Variants in INPP1 observed in about 807,000 individuals in gnomAD.
The protein encoded by INPP1 is inositol polyphosphate 1-phosphatase.
A neutral mutation model predicts 23.0 loss-of-function variants in INPP1; 18 were observed. That is an observed-to-expected ratio of 0.78 (90% CI 0.54 to 1.16). INPP1 has a LOEUF of 1.16. Among genes scored for constraint, INPP1 ranks in the 50% most tolerant of loss-of-function variants. The pLI is 0.00. For synonymous variants in INPP1, 164 were observed against 176.3 expected, an observed-to-expected ratio of 0.93 and a Z score of 0.55; for missense variants, 448 against 482.1, an observed-to-expected ratio of 0.93 and a Z score of 0.66.
rs1689726201 is a variant in INPP1 at position 190,368,347 on chromosome 2, A to G, written c.467-756A>G. Among the ~76,000 whole-genome samples the G allele has an allele frequency of 6.6e-6, 1 of 151,952 alleles. No individual in the cohort carries two copies. Among genetic ancestry groups the G allele is most frequent in the South Asian group, 2.1e-4 (1 of 4,814 alleles). On this transcript the variant is annotated intron_variant, in intron 5 of 6. Coordinates refer to ENST00000392329, the MANE Select transcript of INPP1 (RefSeq NM_001128928.2). The surrounding 1 kb of genome is among the most constrained non-coding windows in gnomAD (Gnocchi z 4.3). The stretch of plus-strand genomic sequence containing the variant: ...GCCTCTGTTTCATAGGAGCTCCGTT[A>G]ATTTCTTTTTTTGGTGCCACCATCA...
intron 1 of INPP1, among the ~76,000 whole-genome samples, chr2:190,347,915 A>T (rs1417738376): frequency 1.3e-5 from 2 of 152,252 alleles, no homozygotes; most frequent in Non-Finnish European, 2.9e-5. Flanking sequence ...AGGCGGGTGG[A>T]TTACCTGAGG....
intron 2 of INPP1, among the ~76,000 whole-genome samples, chr2:190,353,267 A>G (rs971621613): frequency 6.6e-6 from 1 of 152,200 alleles, no homozygotes; most frequent in Non-Finnish European, 1.5e-5. Context: ...CAAGCCAGTC[A>G]TAGACTGTCT....
rs773675666 is a variant in INPP1, at chr2:190,366,678, G to A, written c.266-17G>A. ...AACTCTTGAAATGTAATGGCTTATCGTGTGGCTTTACCCTAGGGGAAAAGA... is the reference window on the plus strand; with the variant it reads ...AACTCTTGAAATGTAATGGCTTATCATGTGGCTTTACCCTAGGGGAAAAGA... On this transcript the variant is annotated splice_polypyrimidine_tract_variant and intron_variant, in intron 4 of 6. Transcript: ENST00000392329. 2.9e-5 allele frequency: 45 copies of A among 1,570,376 alleles called. No individual in the cohort carries two copies. Among genetic ancestry groups the A allele is most frequent in the African/African-American group, 5.4e-5 (4 of 73,708 alleles).
At chr2:190,362,172 G>T (rs773966325) in intron 3 of INPP1, among the ~76,000 whole-genome samples, 22 of 152,090 alleles carry the variant, frequency 1.4e-4, no homozygotes, top group African/African-American at 4.6e-4. Flanking sequence ...AAACAAAATC[G>T]AATGTTATCT....
chr2:190,358,686 A>G (rs1374315108), intron 2 of INPP1, among the ~76,000 whole-genome samples: 1 of 152,250 alleles, frequency 6.6e-6, no homozygotes, highest in Non-Finnish European at 1.5e-5. Flanking sequence ...TGATAATACA[A>G]TAATTCTCAT....
rs1251934771 is a variant in INPP1, at chr2:190,360,418, A to G, written c.204+112A>G. ...CCCCTATCAGTATACTAGCACCTTG[A>G]TTTCAAGTAAACATCTTGGATTTTC... On this transcript the variant is annotated intron_variant, in intron 3 of 6. Coordinates refer to ENST00000392329, the MANE Select transcript of INPP1 (RefSeq NM_001128928.2). 6.5e-6 allele frequency: 5 copies of G among 770,784 alleles called. No homozygotes were observed. In the African/African-American group the frequency reaches 7.1e-5, roughly 11 times the overall value. The allele number at this position is 770,784 out of a possible 1,614,324, so 47.7% of individuals were successfully genotyped here.
chr2:190,371,189 G>C lies in INPP1; in HGVS notation c.987G>C (p.Gly329=). The C allele has an allele frequency of 6.2e-7, 1 of 1,614,028 alleles. No individual in the cohort carries two copies. Among genetic ancestry groups the C allele is most frequent in the South Asian group, 1.1e-5 (1 of 91,072 alleles). ...ATGCCATACTGAGGGCCATGGGTGG[G>C]GGAATAGTAGACTTGAAAGAATGCT... ...AAHAILRAMG[G]GIVDLKECLE... is the part of the protein sequence containing the mutation. Residue 329 remains glycine, a synonymous_variant, in exon 7 of 7, where the codon GGG becomes GGC. Transcript: ENST00000392329. This position sits in a 1 kb window ranked among gnomAD's most constrained non-coding sequence, Gnocchi z 5.3.
intron 4 of INPP1, chr2:190,365,095 T>C (rs1361033483): frequency 5.9e-6 from 1 of 169,218 alleles, no homozygotes; most frequent in Admixed American, 6.5e-5. Context: ...TGCTATTAAC[T>C]TGCCTATTTT....
At position 190,366,909 on chromosome 2, in the gene INPP1, A is replaced by T. The variant is rs1282894802; in HGVS notation, c.466+14A>T. 1 of 1,550,682 alleles carries T rather than the reference A, an allele frequency of 6.4e-7. No homozygotes were observed. The highest frequency in any genetic ancestry group is 8.9e-7 in the Non-Finnish European group (1 of 1,123,008). ...TGGACCCCATAGGTAAGTATAGGAA[A>T]GTATGTTTGTTCTTATTTGCAATCT... On this transcript the variant is annotated intron_variant, in intron 5 of 6. Coordinates refer to ENST00000392329, the MANE Select transcript of INPP1 (RefSeq NM_001128928.2).
At chr2:190,347,698 T>C (rs1689246246) in intron 1 of INPP1, among the ~76,000 whole-genome samples, 1 of 152,230 alleles carries the variant, frequency 6.6e-6, no homozygotes, top group African/African-American at 2.4e-5. Flanking sequence ...GTGACAGTGG[T>C]AGGCTTTGCT....
At chr2:190,369,047 CAG>C (rs1272001762) in intron 5 of INPP1, 54 bp from the exon 6 acceptor site, 3 of 1,084,330 alleles carry the variant, frequency 2.8e-6, no homozygotes, top group Non-Finnish European at 3.9e-6. Context: ...TCATATGGAA[CAG>C]AGTCTTCTAA....
Position 190,345,630 on chromosome 2 carries a change from T to C in INPP1, c.-209+1669T>C, listed in dbSNP as rs1388961434. ...CCGATGTGAGTCCTTATGAATGTTC[T>C]TGTTAAAATACTTTGAATCTTGTAA... On this transcript the variant is annotated intron_variant, in intron 1 of 6. Transcript: ENST00000392329. This position sits in a 1 kb window ranked among gnomAD's most constrained non-coding sequence, Gnocchi z 4.9. The C allele has an allele frequency of 2.6e-5, 4 of 152,240 alleles. No homozygotes were observed. Among genetic ancestry groups the C allele is most frequent in the African/African-American group, 9.6e-5 (4 of 41,464 alleles). The allele number at this position is 152,240 out of a possible 1,614,324, so 9.4% of individuals were successfully genotyped here.
chr2:190,350,502 T>C (rs989917112), intron 2 of INPP1, among the ~76,000 whole-genome samples: 18 of 152,238 alleles, frequency 1.2e-4, no homozygotes, highest in Admixed American at 2.0e-4. Flanking sequence ...AACACAGCTT[T>C]AGCACAGGCT....
In INPP1 at chr2:190,370,889, C is replaced by T. The variant is rs761066981; in HGVS notation, c.687C>T (p.Asn229=). ...CYWGLSYMGT[N]MHSLQLTISR... ...GGGGCCTTTCTTACATGGGGACCAA[C>T]ATGCATTCACTACAGCTCACCATCT... The change falls in exon 7 of 7, where the codon AAC becomes AAT. Residue 229 remains asparagine (N), a synonymous_variant. Coordinates refer to ENST00000392329, the MANE Select transcript of INPP1 (RefSeq NM_001128928.2). The T allele has an allele frequency of 3.1e-6, 5 of 1,613,866 alleles. No individual in the cohort carries two copies. Among genetic ancestry groups the T allele is most frequent in the Middle Eastern group, 1.6e-4 (1 of 6,082 alleles).
intron 2 of INPP1, among the ~76,000 whole-genome samples, chr2:190,350,006 G>A (rs973984927): frequency 6.6e-6 from 1 of 152,094 alleles, no homozygotes; most frequent in South Asian, 2.1e-4. Context: ...CACCACGCCT[G>A]GCTAATTTTT....
At chr2:190,344,859 G>A (rs1052827704) in intron 1 of INPP1, among the ~76,000 whole-genome samples, 1 of 152,214 alleles carries the variant, frequency 6.6e-6, no homozygotes, top group Non-Finnish European at 1.5e-5. Flanking sequence ...CACTTAAGTG[G>A]ATCCCATCTG....
rs1426628751 is a variant in INPP1 at position 190,366,905 on chromosome 2, G to A, written c.466+10G>A. ...TGGGTGGACCCCATAGGTAAGTATA[G>A]GAAAGTATGTTTGTTCTTATTTGCA... On this transcript the variant is annotated intron_variant, in intron 5 of 6. Coordinates refer to ENST00000392329, the MANE Select transcript of INPP1 (RefSeq NM_001128928.2). 1 of 1,566,320 alleles carries A rather than the reference G, an allele frequency of 6.4e-7. No homozygotes were observed. The highest frequency in any genetic ancestry group is 1.1e-5 in the South Asian group (1 of 89,946).
rs1328564333 is a variant in INPP1 at position 190,367,614 on chromosome 2, C to G, written c.466+719C>G. Among the ~76,000 whole-genome samples, 1 of 152,134 alleles carries G rather than the reference C, an allele frequency of 6.6e-6. No homozygotes were observed. The highest frequency in any genetic ancestry group is 2.4e-5 in the African/African-American group (1 of 41,418). On this transcript the variant is annotated intron_variant, in intron 5 of 6. Coordinates refer to ENST00000392329, the MANE Select transcript of INPP1 (RefSeq NM_001128928.2). This position sits in a 1 kb window ranked among gnomAD's most constrained non-coding sequence, Gnocchi z 4.1. ...ACAGGCTGGAGTGCAGTGGCACAGTCAGAACTCACTCACTGCAGCCTTGTC... is the reference window on the plus strand; with the variant it reads ...ACAGGCTGGAGTGCAGTGGCACAGTGAGAACTCACTCACTGCAGCCTTGTC...
rs1689403948 is a variant in INPP1 at position 190,355,461 on chromosome 2, C to G, written c.-64-4578C>G. Among the ~76,000 whole-genome samples the G allele has an allele frequency of 1.3e-5, 2 of 152,064 alleles. No homozygotes were observed. The highest frequency in any genetic ancestry group is 4.8e-5 in the African/African-American group (2 of 41,346). The stretch of plus-strand genomic sequence containing the variant: ...AAATAAGCAACCTGGAGAACTGGAG[C>G]TATTAAATCTGTGTTTAGAGTTATA... On this transcript the variant is annotated intron_variant, in intron 2 of 6. Coordinates refer to ENST00000392329, the MANE Select transcript of INPP1 (RefSeq NM_001128928.2). This position sits in a 1 kb window ranked among gnomAD's most constrained non-coding sequence, Gnocchi z 5.1.
Sources: gnomAD v4.1 joint callset for allele counts (sites outside exome capture counted in the v4.1 genomes callset) on GRCh38, gnomAD v4.1.1 for gene constraint, Gnocchi (gnomAD v3.1) non-coding constraint, MANE v1.5 for transcripts, NCBI Gene and HGNC (gene_info 2026-07-23, HGNC 2026-07-21) for gene names.